Variants in TBC1D9 observed in about 807,000 individuals in gnomAD.
TBC1D9 encodes the protein TBC1 domain family member 9.
Under a neutral mutation model 132.0 loss-of-function variants are expected in TBC1D9, and 63 were observed. The observed-to-expected ratio is 0.48, with a 90% CI of 0.39 to 0.59. The LOEUF is 0.59. Among genes scored for constraint, TBC1D9 ranks in the 20% least tolerant of loss-of-function variants. The pLI, the probability that TBC1D9 is intolerant of heterozygous loss-of-function variation, is 0.00. For missense variants in TBC1D9, 1,261 were observed against 1,592.7 expected (o/e 0.79, Z 3.54); for synonymous variants, 610 against 609.9 (o/e 1.00, Z 0.00).
chr4:140,627,536 G>T lies in TBC1D9; in HGVS notation c.2813-9C>A, dbSNP rs1394406425. On this transcript the variant is annotated splice_polypyrimidine_tract_variant and intron_variant, in intron 17 of 20. Transcript: ENST00000442267. ...TTGATCAGAGGATGGCTCTAGGGAG[G>T]GGAGGAAACATAGTTCTCATATTGG... is the stretch of plus-strand genomic sequence containing the variant. 1.3e-6 allele frequency: 2 copies of T among 1,572,112 alleles called. No homozygotes were observed. Among genetic ancestry groups the T allele is most frequent in the South Asian group, 1.1e-5 (1 of 88,436 alleles).
In TBC1D9 at chr4:140,670,896, T is replaced by C. The variant is rs543847480; in HGVS notation, c.1090A>G (p.Ser364Gly). ...VTIVEKADSS[S>G]VLPSPLSIST... Reference sequence around the variant, plus strand: ...ATGGATAAGGGACTGGGGAGCACACTGGAGCTGTCTGCCTTTTCCACAATT... The same window carrying C: ...ATGGATAAGGGACTGGGGAGCACACCGGAGCTGTCTGCCTTTTCCACAATT... The change falls in exon 7 of 21, where the codon AGT becomes GGT. Residue 364 changes from serine to glycine, a missense_variant. By Grantham distance (56) the Ser-to-Gly change is moderately conservative. Coordinates refer to ENST00000442267, the MANE Select transcript of TBC1D9 (RefSeq NM_015130.3). The C allele has an allele frequency of 2.5e-6, 4 of 1,614,030 alleles. No individual in the cohort carries two copies. Among genetic ancestry groups the C allele is most frequent in the Admixed American group, 3.3e-5 (2 of 60,022 alleles).
chr4:140,719,672 A>T (rs1400753926), intron 1 of TBC1D9, among the ~76,000 whole-genome samples: 1 of 152,182 alleles, frequency 6.6e-6, no homozygotes, highest in Non-Finnish European at 1.5e-5. Flanking sequence ...TCTATCACTG[A>T]TGTCTTTGAG....
chr4:140,648,394 T>G (rs1445434259), intron 13 of TBC1D9, among the ~76,000 whole-genome samples: 7 of 150,842 alleles, frequency 4.6e-5, no homozygotes, highest in Non-Finnish European at 8.9e-5. Context: ...TGTTTTTTTT[T>G]TTTTTTTTTG....
intron 1 of TBC1D9, among the ~76,000 whole-genome samples, chr4:140,719,964 T>G (rs1738397629): frequency 6.6e-6 from 1 of 152,212 alleles, no homozygotes. Flanking sequence ...TGGGGCAAGC[T>G]ATATAACTGA....
chr4:140,739,192 A>G (rs889595399), intron 1 of TBC1D9, among the ~76,000 whole-genome samples: 9 of 152,130 alleles, frequency 5.9e-5, no homozygotes, highest in Admixed American at 2.6e-4. Context: ...AGTATCTCCA[A>G]GTTGGTCAGG....
intron 1 of TBC1D9, among the ~76,000 whole-genome samples, chr4:140,708,403 T>G (rs1738179774): frequency 6.6e-6 from 1 of 152,194 alleles, no homozygotes; most frequent in Non-Finnish European, 1.5e-5. Flanking sequence ...GTATTGAAAT[T>G]TATCTGGAAT....
At chr4:140,624,499 G>T in intron 18 of TBC1D9, 111 bp from the exon 19 acceptor site, 1 of 843,566 alleles carries the variant, frequency 1.2e-6, no homozygotes. Context: ...GCCTGATTTA[G>T]CAAACAAACA....
intron 3 of TBC1D9, among the ~76,000 whole-genome samples, chr4:140,682,995 TC>T (rs1737728982): frequency 6.6e-6 from 1 of 152,162 alleles, no homozygotes; most frequent in South Asian, 2.1e-4. Context: ...CAAGTGATTC[TC>T]CTGCCTCAGC....
chr4:140,689,492 C>A (rs1191117737), intron 2 of TBC1D9, among the ~76,000 whole-genome samples: 19 of 106,078 alleles, frequency 1.8e-4, no homozygotes, highest in African/African-American at 6.6e-4. Context: ...TTTCCCTTCC[C>A]TTCCCCCTTT....
At chr4:140,696,180 AGGCGTGAT>A (rs1470092244) in intron 2 of TBC1D9, among the ~76,000 whole-genome samples, 71 of 66,636 alleles carry the variant, frequency 1.1e-3, no homozygotes, top group Non-Finnish European at 1.9e-3. Context: ...GAGGCGGGCC[AGGCGTGAT>A]GGCTCACGCC....
At chr4:140,660,553 A>C (rs1578829252) in intron 10 of TBC1D9, among the ~76,000 whole-genome samples, 1 of 152,304 alleles carries the variant, frequency 6.6e-6, no homozygotes, top group Middle Eastern at 3.4e-3. Flanking sequence ...TTGAGAATTA[A>C]CCTGCTGATC....
rs143248586 is a variant in TBC1D9, at chr4:140,731,757, G to C, written c.130+24159C>G. Among the ~76,000 whole-genome samples the C allele has an allele frequency of 6.0e-3, 917 of 152,086 alleles. 10 individuals are homozygous for C. The highest frequency in any genetic ancestry group is 0.021 in the African/African-American group (872 of 41,500). On this transcript the variant is annotated intron_variant, in intron 1 of 20. Transcript: ENST00000442267. ...AAATCTGATCGTCACAAAAACTCCTGAGGAGCAGATACAATTTTTTTTACT... is the reference window on the plus strand; with the variant it reads ...AAATCTGATCGTCACAAAAACTCCTCAGGAGCAGATACAATTTTTTTTACT...
Position 140,657,818 on chromosome 4 carries a change from G to T in TBC1D9, c.1922-6C>A, listed in dbSNP as rs1052855150. On this transcript the variant is annotated splice_polypyrimidine_tract_variant and splice_region_variant and intron_variant, in intron 11 of 20. Transcript: ENST00000442267. ...ACCTTGGTCCACCAGTGCACCTGTG[G>T]CAGCGATGTATACAAAAAGGCGCAG... is the stretch of plus-strand genomic sequence containing the variant. The T allele has an allele frequency of 6.2e-7, 1 of 1,607,672 alleles. No homozygotes were observed. The highest frequency in any genetic ancestry group is 8.5e-7 in the Non-Finnish European group (1 of 1,177,056).
intron 1 of TBC1D9, among the ~76,000 whole-genome samples, chr4:140,722,599 CA>C (rs1236664305): frequency 2.0e-5 from 3 of 152,094 alleles, no homozygotes; most frequent in Admixed American, 2.0e-4. Context: ...GCTAGGCTGG[CA>C]AATCACATAA....
At chr4:140,639,024 T>G (rs1045582160) in intron 15 of TBC1D9, 62 bp downstream of exon 15, 1 of 1,221,434 alleles carries the variant, frequency 8.2e-7, no homozygotes, top group Non-Finnish European at 1.1e-6. Flanking sequence ...AAGAACTAAC[T>G]GAATTATTAA....
At chr4:140,699,854 G>A (rs895095361) in intron 2 of TBC1D9, among the ~76,000 whole-genome samples, 1 of 152,160 alleles carries the variant, frequency 6.6e-6, no homozygotes, top group African/African-American at 2.4e-5. Flanking sequence ...ACTCTGCATG[G>A]GGGGTGGTAT....
At position 140,621,374 on chromosome 4, in the gene TBC1D9, C is replaced by T. The variant is rs758706759; in HGVS notation, c.*821G>A. On this transcript the variant is annotated 3_prime_UTR_variant, in exon 21 of 21. Coordinates refer to ENST00000442267, the MANE Select transcript of TBC1D9 (RefSeq NM_015130.3). ...ATCAGTACTTTTACTCTTTCAAAAACAAAAGCAAAGCAAAAGCAAAAACCT... is the reference window on the plus strand; with the variant it reads ...ATCAGTACTTTTACTCTTTCAAAAATAAAAGCAAAGCAAAAGCAAAAACCT... 3 of 152,232 alleles carry T rather than the reference C, an allele frequency of 2.0e-5. No homozygotes were observed. Among genetic ancestry groups the T allele is most frequent in the Non-Finnish European group, 2.9e-5 (2 of 67,992 alleles). The allele number at this position is 152,232 out of a possible 1,614,324, so 9.4% of individuals were successfully genotyped here.
Position 140,639,378 on chromosome 4 carries a change from C to G in TBC1D9, c.2388G>C (p.Gln796His). The G allele has an allele frequency of 6.2e-7, 1 of 1,613,186 alleles. No homozygotes were observed. The highest frequency in any genetic ancestry group is 8.5e-7 in the Non-Finnish European group (1 of 1,179,588). ...ADLIEQMRFK[Q>H]RLKVIQTLED... ...CCAGCGTCTGGATCACTTTCAGTCT[C>G]TGTTTGAATCTCATCTGTTCAATCA... The change falls in exon 14 of 21, where the codon CAG becomes CAC. Residue 796 changes from glutamine (Q) to histidine (H), a missense_variant. By Grantham distance (24) the Gln-to-His change is conservative (BLOSUM62 0). Transcript: ENST00000442267.
At chr4:140,638,728 C>T (rs948523723) in intron 15 of TBC1D9, among the ~76,000 whole-genome samples, 5 of 152,078 alleles carry the variant, frequency 3.3e-5, no homozygotes, top group African/African-American at 1.2e-4. Context: ...CAACTTTATT[C>T]TAACTACATA....
Sources: gnomAD v4.1 joint callset for allele counts (sites outside exome capture counted in the v4.1 genomes callset) on GRCh38, gnomAD v4.1.1 for gene constraint, MANE v1.5 for transcripts, NCBI Gene and HGNC (gene_info 2026-07-23, HGNC 2026-07-21) for gene names.